RTRAF: variants seen among roughly 807,000 people sequenced by gnomAD.
RTRAF encodes tRNA-splicing ligase complex subunit RTRAF.
In RTRAF, 14 loss-of-function variants were observed where a neutral mutation model predicts 34.4. The ratio of observed to expected loss-of-function variants is 0.41; its 90% CI spans 0.27 to 0.64. The LOEUF (loss-of-function observed/expected upper bound fraction) is 0.64, where lower values mean the gene tolerates loss of function less well. Ranked by LOEUF, RTRAF falls within the 30% of genes least tolerant of loss-of-function variation. The probability of loss-of-function intolerance (pLI) is 0.34; values close to 1 mark genes in which losing one functional copy is unlikely to be tolerated. For missense variants in RTRAF, 291 were observed against 288.4 expected, an observed-to-expected ratio of 1.01 and a Z score of -0.06; for synonymous variants, 96 against 95.3, an observed-to-expected ratio of 1.01 and a Z score of -0.04.
In RTRAF at chr14:52,005,372, C is replaced by CTCAG. The variant is rs1313595553; in HGVS notation, c.*857_*860dup. 19 of 1,007,494 alleles carry CTCAG rather than the reference C, an allele frequency of 1.9e-5. No homozygotes were observed. The highest frequency in any genetic ancestry group is 2.5e-5 in the Non-Finnish European group (18 of 718,978). The allele number at this position is 1,007,494 out of a possible 1,614,324, so 62.4% of individuals were successfully genotyped here. ...CACTACAAAATGTTCATCTTGGATG[C>CTCAG]TCAGGAACGTCTAATGGCCAATTCC... is the stretch of plus-strand genomic sequence containing the variant. On this transcript the variant is annotated 3_prime_UTR_variant, in exon 8 of 8. Transcript: ENST00000261700.
rs142512420 is a variant in RTRAF at position 51,990,380 on chromosome 14, C to T, written c.61+680C>T. On this transcript the variant is annotated intron_variant, in intron 1 of 7. Transcript: ENST00000261700. ...GCTACTCACTGTAACTAAACTGCTA[C>T]CCACCACTACTCGTTTCCTTTGTAT... 2.9e-3 allele frequency among the ~76,000 whole-genome samples: 448 copies of T among 152,312 alleles called. 2 individuals are homozygous for T. Among genetic ancestry groups the T allele is most frequent in the African/African-American group, 0.01 (433 of 41,562 alleles).
At chr14:51,999,416 G>GC (rs954879860) in intron 4 of RTRAF, 74 of 240,446 alleles carry the variant, frequency 3.1e-4, no homozygotes, top group African/African-American at 1.6e-3. Context: ...TCCTCATCTT[G>GC]CACTAGGGTT....
chr14:52,002,425 G>A (rs1005230178), intron 6 of RTRAF, among the ~76,000 whole-genome samples: 5 of 152,180 alleles, frequency 3.3e-5, no homozygotes, highest in South Asian at 2.1e-4. Context: ...GGGTCCATGC[G>A]TGGATGTCTG....
chr14:51,994,753 T>TC (rs1890491746), intron 3 of RTRAF, among the ~76,000 whole-genome samples: 1 of 152,186 alleles, frequency 6.6e-6, no homozygotes, highest in South Asian at 2.1e-4. Flanking sequence ...ATTTCCCATT[T>TC]TCTATAAAAA....
chr14:51,999,203 G>A (rs1890566515), intron 4 of RTRAF: 1 of 152,820 alleles, frequency 6.5e-6, no homozygotes, highest in South Asian at 2.0e-4. Flanking sequence ...TGCAGAAAAA[G>A]TTACAGGACA....
At chr14:52,001,542 C>T (rs1890601857) in intron 5 of RTRAF, among the ~76,000 whole-genome samples, 1 of 152,128 alleles carries the variant, frequency 6.6e-6, no homozygotes, top group African/African-American at 2.4e-5. Context: ...TGTTTTTTAC[C>T]AGTCACGTGC....
In RTRAF at chr14:52,006,236, C is replaced by G. The variant is rs1008660007; in HGVS notation, c.*1720C>G. On this transcript the variant is annotated 3_prime_UTR_variant, in exon 8 of 8. Transcript: ENST00000261700. ...ATGGTATCAAGGGTAGTCTTATTCTCTAAAGAACATATTTAGATTAATATG... is the reference window on the plus strand; with the variant it reads ...ATGGTATCAAGGGTAGTCTTATTCTGTAAAGAACATATTTAGATTAATATG... The G allele has an allele frequency of 5.1e-6, 2 of 395,610 alleles. No individual in the cohort carries two copies. The highest frequency in any genetic ancestry group is 9.9e-5 in the East Asian group (2 of 20,302). The allele number at this position is 395,610 out of a possible 1,614,324, so 24.5% of individuals were successfully genotyped here. A position where few individuals can be genotyped will look rare whatever the true frequency, so the allele number is the denominator to read the frequency against.
intron 5 of RTRAF, among the ~76,000 whole-genome samples, chr14:52,000,719 CA>C (rs1890588381): frequency 6.6e-6 from 1 of 152,086 alleles, no homozygotes; most frequent in African/African-American, 2.4e-5. Flanking sequence ...TGCCAAAAGA[CA>C]AAAATGTTTT....
chr14:51,993,161 A>G (rs924055800), intron 2 of RTRAF, among the ~76,000 whole-genome samples: 1 of 152,158 alleles, frequency 6.6e-6, no homozygotes, highest in Non-Finnish European at 1.5e-5. Flanking sequence ...ATTATCCTTC[A>G]AGTTGATTTT....
chr14:52,005,853 G>C lies in RTRAF; in HGVS notation c.*1337G>C, dbSNP rs1287082827. Reference sequence around the variant, plus strand: ...ATTTACTGATACAACACCATCCCTGGTAACAGAAAGGAAGAGTGAATTCAG... The same window carrying C: ...ATTTACTGATACAACACCATCCCTGCTAACAGAAAGGAAGAGTGAATTCAG... On this transcript the variant is annotated 3_prime_UTR_variant, in exon 8 of 8. Transcript: ENST00000261700. 1.3e-6 allele frequency: 2 copies of C among 1,588,570 alleles called. No homozygotes were observed. The highest frequency in any genetic ancestry group is 1.7e-6 in the Non-Finnish European group (2 of 1,157,022).
In RTRAF at chr14:51,999,786, T is replaced by C. The variant is rs1594987213; in HGVS notation, c.452T>C (p.Val151Ala). 3 of 1,608,364 alleles carry C rather than the reference T, an allele frequency of 1.9e-6. No individual in the cohort carries two copies. The highest frequency in any genetic ancestry group is 8.5e-7 in the Non-Finnish European group (1 of 1,175,842). ...ATTCAGCGTCATGATGATTACCTGG[T>C]AATGCTTAAGGTCAGCTTCATGTTC... ...LQIQRHDDYL[V>A]MLKAIRILVQ... The change falls in exon 5 of 8, where the codon GTA (valine) becomes GCA (alanine). Residue 151 changes from valine to alanine, a missense_variant. Coordinates refer to ENST00000261700, the MANE Select transcript of RTRAF (RefSeq NM_016039.3).
intron 6 of RTRAF, among the ~76,000 whole-genome samples, chr14:52,002,714 A>G (rs145287311): frequency 7.9e-5 from 12 of 152,172 alleles, no homozygotes; most frequent in African/African-American, 1.9e-4. Context: ...TCCTGCAGCA[A>G]TGATGTTGTA....
In RTRAF at chr14:52,007,996, G is replaced by C. The variant is rs1890857275; in HGVS notation, c.*3480G>C. On this transcript the variant is annotated 3_prime_UTR_variant, in exon 8 of 8. Transcript: ENST00000261700. ...TAAGTTAAAAATCAAGATTGTAAAA[G>C]AATAGCCATGTAGCCTGTGGTAGGC... is the stretch of plus-strand genomic sequence containing the variant. 1 of 1,583,132 alleles carries C rather than the reference G, an allele frequency of 6.3e-7. No individual in the cohort carries two copies.
Position 52,007,946 on chromosome 14 carries a change from C to T in RTRAF, c.*3430C>T. On this transcript the variant is annotated 3_prime_UTR_variant, in exon 8 of 8. Coordinates refer to ENST00000261700, the MANE Select transcript of RTRAF (RefSeq NM_016039.3). ...TTTCAATTTTAGGAGCTTCTCTATT[C>T]CAGTCTGTCCAGTACAAGTTGCTGT... 1.2e-6 allele frequency: 2 copies of T among 1,612,018 alleles called. No individual in the cohort carries two copies. Among genetic ancestry groups the T allele is most frequent in the Non-Finnish European group, 8.5e-7 (1 of 1,179,432 alleles).
intron 3 of RTRAF, among the ~76,000 whole-genome samples, chr14:51,994,470 T>A (rs1270120165): frequency 6.6e-6 from 1 of 152,230 alleles, no homozygotes; most frequent in African/African-American, 2.4e-5. Flanking sequence ...TCTTGGCTTA[T>A]CCCTTTCCCT....
rs148575280 is a variant in RTRAF, at chr14:51,990,242, T to G, written c.61+542T>G. Among the ~76,000 whole-genome samples, 9 of 152,282 alleles carry G rather than the reference T, an allele frequency of 5.9e-5. No individual in the cohort carries two copies. In the East Asian group the frequency reaches 1.7e-3, roughly 29 times the overall value. On this transcript the variant is annotated intron_variant, in intron 1 of 7. Coordinates refer to ENST00000261700, the MANE Select transcript of RTRAF (RefSeq NM_016039.3). The stretch of plus-strand genomic sequence containing the variant: ...TAAGCGCGTGTAGTAACGGGCTAGT[T>G]GTGTTATGTGGTGTTGCAAAAAAGT...
At position 52,008,597 on chromosome 14, in the gene RTRAF, T is replaced by C. The variant is rs1049329679; in HGVS notation, c.*4081T>C. On this transcript the variant is annotated 3_prime_UTR_variant, in exon 8 of 8. Transcript: ENST00000261700. ...CACAAGGTTTTCTGATTATTGTCAC[T>C]ATGTGGGAGAAGTCATTACTAAGTT... 2.0e-5 allele frequency: 3 copies of C among 152,228 alleles called. No homozygotes were observed. The highest frequency in any genetic ancestry group is 4.8e-5 in the African/African-American group (2 of 41,460). 9.4% of individuals were successfully genotyped at this position (152,228 alleles called of 1,614,324 possible).
chr14:51,994,984 CTTA>C (rs967709017), intron 3 of RTRAF, among the ~76,000 whole-genome samples: 2 of 151,782 alleles, frequency 1.3e-5, no homozygotes, highest in Admixed American at 1.3e-4. Flanking sequence ...CATATGCTGT[CTTA>C]TGTCTTAGCA....
chr14:51,993,003 C>T (rs1393974872), intron 2 of RTRAF, among the ~76,000 whole-genome samples: 4 of 152,096 alleles, frequency 2.6e-5, no homozygotes, highest in African/African-American at 9.7e-5. Context: ...GCACTCCAGC[C>T]TGGGCAACAG....
Sources: allele counts gnomAD v4.1 joint callset (sites outside exome capture counted in the v4.1 genomes callset), GRCh38; gene constraint gnomAD v4.1.1; transcripts MANE v1.5; gene names NCBI Gene and HGNC (gene_info 2026-07-23, HGNC 2026-07-21).